The following NUBPL variants were observed in gnomAD, a reference collection of about 807,000 sequenced individuals.
NUBPL encodes the protein iron-sulfur cluster transfer protein NUBPL.
NUBPL carries 31 observed loss-of-function variants against 45.7 expected under a neutral mutation model. The observed-to-expected ratio is 0.68, with a 90% CI of 0.51 to 0.92. The LOEUF is 0.92. NUBPL is among the 40% of genes least tolerant of loss of function. The pLI, the probability that NUBPL is intolerant of heterozygous loss-of-function variation, is 0.00. For missense variants in NUBPL, 401 were observed against 398.7 expected, an observed-to-expected ratio of 1.01 and a Z score of -0.05; for synonymous variants, 144 against 140.9, an observed-to-expected ratio of 1.02 and a Z score of -0.15.
intron 6 of NUBPL, among the ~76,000 whole-genome samples, chr14:31,678,019 T>A (rs1393449403): frequency 1.3e-5 from 2 of 152,170 alleles, no homozygotes; most frequent in African/African-American, 4.8e-5. Flanking sequence ...AAGCATGAGG[T>A]GCAGTTCTTC....
At chr14:31,842,054 C>T (rs992445928) in intron 8 of NUBPL, among the ~76,000 whole-genome samples, 4 of 149,786 alleles carry the variant, frequency 2.7e-5, no homozygotes, top group Admixed American at 1.3e-4. Context: ...CCTCAGCCTC[C>T]TGAGTAGCTG....
chr14:31,640,918 A>G (rs891468668), intron 4 of NUBPL, among the ~76,000 whole-genome samples: 4 of 151,524 alleles, frequency 2.6e-5, no homozygotes, highest in South Asian at 2.1e-4. Flanking sequence ...CTACTGATCT[A>G]TTGAATACCA....
intron 4 of NUBPL, among the ~76,000 whole-genome samples, chr14:31,667,276 C>T (rs911880682): frequency 5.3e-5 from 8 of 151,946 alleles, no homozygotes; most frequent in African/African-American, 1.9e-4. Flanking sequence ...GTAATCTTGT[C>T]TTCAAGCTTT....
intron 6 of NUBPL, among the ~76,000 whole-genome samples, chr14:31,736,427 T>C (rs2038166612): frequency 6.6e-6 from 1 of 152,322 alleles, no homozygotes; most frequent in Non-Finnish European, 1.5e-5. Flanking sequence ...ATGACTTCTT[T>C]AAATATTTAT....
intron 6 of NUBPL, among the ~76,000 whole-genome samples, chr14:31,723,991 G>A (rs561951016): frequency 6.6e-6 from 1 of 152,312 alleles, no homozygotes; most frequent in Non-Finnish European, 1.5e-5. Context: ...TTGAATAGGA[G>A]TGGTGAGAGA....
At chr14:31,678,798 TCTTAGTAGGTTGTGTG>T (rs1389125963) in intron 6 of NUBPL, among the ~76,000 whole-genome samples, 1 of 152,052 alleles carries the variant, frequency 6.6e-6, no homozygotes, top group Non-Finnish European at 1.5e-5. Flanking sequence ...CTGGCTGGTG[TCTTAGTAGGTTGTGTG>T]CTTCCCTGGT....
At chr14:31,696,007 G>A (rs748747392) in intron 6 of NUBPL, among the ~76,000 whole-genome samples, 11 of 152,196 alleles carry the variant, frequency 7.2e-5, no homozygotes, top group Admixed American at 2.0e-4. Flanking sequence ...TATCAAGAAA[G>A]CAATATAAAT....
Position 31,808,608 on chromosome 14 carries a change from A to T in NUBPL, c.608-18021A>T, listed in dbSNP as rs574196649. Among the ~76,000 whole-genome samples, 9 of 152,252 alleles carry T rather than the reference A, an allele frequency of 5.9e-5. No homozygotes were observed. The East Asian group carries it at 1.5e-3, about 26-fold the overall frequency. On this transcript the variant is annotated intron_variant, in intron 7 of 10. Coordinates refer to ENST00000281081, the MANE Select transcript of NUBPL (RefSeq NM_025152.3). ...CTCTTTTCCTAATTGAATACCCTTC[A>T]TTTCTTTCTCTTGCCTGATTGCCCT...
At chr14:31,810,946 C>T (rs1217386700) in intron 7 of NUBPL, among the ~76,000 whole-genome samples, 1 of 152,130 alleles carries the variant, frequency 6.6e-6, no homozygotes, top group Non-Finnish European at 1.5e-5. Context: ...AATATTGGCC[C>T]CCACTCTCTT....
chr14:31,692,036 T>TA (rs1228301651), intron 6 of NUBPL, among the ~76,000 whole-genome samples: 7 of 152,296 alleles, frequency 4.6e-5, no homozygotes, highest in African/African-American at 1.2e-4. Context: ...GATATATATA[T>TA]TTTTTTAAAG....
At chr14:31,827,993 G>T (rs2040132129) in intron 8 of NUBPL, among the ~76,000 whole-genome samples, 2 of 152,102 alleles carry the variant, frequency 1.3e-5, no homozygotes, top group South Asian at 4.1e-4. Flanking sequence ...GGAACTCTGG[G>T]TTGGATTGAC....
intron 6 of NUBPL, among the ~76,000 whole-genome samples, chr14:31,683,520 T>G (rs979812971): frequency 1.3e-5 from 2 of 151,824 alleles, no homozygotes. Context: ...ATCCAGCTAA[T>G]TTTTGTATTT....
At chr14:31,711,681 C>G (rs897560729) in intron 6 of NUBPL, among the ~76,000 whole-genome samples, 1 of 152,102 alleles carries the variant, frequency 6.6e-6, no homozygotes, top group African/African-American at 2.4e-5. Flanking sequence ...TCCAGAGTTT[C>G]TTCCTTCTGG....
chr14:31,775,983 C>T (rs2039092048), intron 6 of NUBPL, among the ~76,000 whole-genome samples: 1 of 152,188 alleles, frequency 6.6e-6, no homozygotes, highest in African/African-American at 2.4e-5. Context: ...TCTATATAAG[C>T]ATTTCTGTTC....
rs184577264 is a variant in NUBPL at position 31,779,061 on chromosome 14, G to A, written c.514-8719G>A. Among the ~76,000 whole-genome samples, 169 of 152,226 alleles carry A rather than the reference G, an allele frequency of 1.1e-3. No individual in the cohort carries two copies. The Middle Eastern group carries it at 0.014, about 12-fold the overall frequency. The stretch of plus-strand genomic sequence containing the variant: ...TGAGGATAGAAAGAGAACCTTATGG[G>A]TCAGGCGTGGTGGCTCATGCTTGTA... On this transcript the variant is annotated intron_variant, in intron 6 of 10. Transcript: ENST00000281081.
At chr14:31,633,577 A>G (rs550645518) in intron 4 of NUBPL, among the ~76,000 whole-genome samples, 62 of 152,306 alleles carry the variant, frequency 4.1e-4, no homozygotes, top group Middle Eastern at 3.4e-3. Context: ...TGATTTTATT[A>G]TGCAAAGCTT....
Position 31,697,938 on chromosome 14 carries a change from A to G in NUBPL, c.513+24364A>G, listed in dbSNP as rs961156486. ...ATCATGGGATCAGAGTCAGATGTCA[A>G]AAGCCTACTGGGGCTATTTAAGCTC... On this transcript the variant is annotated intron_variant, in intron 6 of 10. Coordinates refer to ENST00000281081, the MANE Select transcript of NUBPL (RefSeq NM_025152.3). Among the ~76,000 whole-genome samples, 4 of 152,274 alleles carry G rather than the reference A, an allele frequency of 2.6e-5. No homozygotes were observed. In the South Asian group the frequency reaches 6.2e-4, roughly 24 times the overall value.
intron 8 of NUBPL, among the ~76,000 whole-genome samples, chr14:31,841,770 C>T (rs1214003565): frequency 6.6e-6 from 1 of 151,734 alleles, no homozygotes; most frequent in Non-Finnish European, 1.5e-5. Flanking sequence ...ATATTTAGCT[C>T]TAAAATTCAC....
intron 6 of NUBPL, among the ~76,000 whole-genome samples, chr14:31,721,142 C>G (rs184082969): frequency 1.3e-5 from 2 of 152,082 alleles, no homozygotes. Flanking sequence ...AATGCTAATC[C>G]CCTTTTGTAA....
Sources: allele counts gnomAD v4.1 joint callset (sites outside exome capture counted in the v4.1 genomes callset), GRCh38; gene constraint gnomAD v4.1.1; transcripts MANE v1.5; gene names NCBI Gene and HGNC (gene_info 2026-07-23, HGNC 2026-07-21).